Variants in EDARADD observed in about 807,000 individuals in gnomAD.
The protein encoded by EDARADD is ectodysplasin-A receptor-associated adapter protein.
Under a neutral mutation model 25.6 loss-of-function variants are expected in EDARADD, and 20 were observed. The ratio of observed to expected loss-of-function variants is 0.78; its 90% CI spans 0.55 to 1.14. The LOEUF is 1.14. Among genes scored for constraint, EDARADD ranks in the 50% most tolerant of loss-of-function variants. The pLI, the probability that EDARADD is intolerant of heterozygous loss-of-function variation, is 0.00. For synonymous variants in EDARADD, 86 were observed against 94.4 expected (o/e 0.91, Z 0.52); for missense variants, 225 against 270.1 (o/e 0.83, Z 1.17).
chr1:236,359,220 T>G (rs1667017684), intron 3 of EDARADD, among the ~76,000 whole-genome samples: 1 of 152,136 alleles, frequency 6.6e-6, no homozygotes, highest in African/African-American at 2.4e-5. Flanking sequence ...CTGCACACTG[T>G]CCTTTTTAAC....
intron 3 of EDARADD, among the ~76,000 whole-genome samples, chr1:236,418,818 T>C (rs934545335): frequency 2.0e-5 from 3 of 152,186 alleles, no homozygotes; most frequent in Non-Finnish European, 2.9e-5. Flanking sequence ...GAGTTGTCCC[T>C]GTTCCCACGG....
At chr1:236,397,517 T>C (rs1296893507) in intron 1 of EDARADD, among the ~76,000 whole-genome samples, 1 of 152,030 alleles carries the variant, frequency 6.6e-6, no homozygotes, top group East Asian at 1.9e-4. Context: ...ATGGGCAACA[T>C]GGAACAAAGG....
chr1:236,464,233 A>G (rs1282818381), intron 4 of EDARADD, among the ~76,000 whole-genome samples: 1 of 148,402 alleles, frequency 6.7e-6, no homozygotes, highest in Non-Finnish European at 1.5e-5. Flanking sequence ...CTCAGAGCCC[A>G]TCACCTTTCT....
intron 3 of EDARADD, among the ~76,000 whole-genome samples, chr1:236,351,469 C>G (rs1271469500): frequency 1.3e-5 from 2 of 152,080 alleles, no homozygotes; most frequent in African/African-American, 4.8e-5. Flanking sequence ...CCTATAATCC[C>G]AGCACTTTGG....
intron 4 of EDARADD, among the ~76,000 whole-genome samples, chr1:236,464,011 A>T (rs902014874): frequency 3.3e-5 from 5 of 152,144 alleles, no homozygotes; most frequent in Admixed American, 2.6e-4. Context: ...AGCAGAAGTG[A>T]TGTCTAAGCT....
intron 4 of EDARADD, among the ~76,000 whole-genome samples, chr1:236,449,071 C>T (rs867627964): frequency 1.3e-5 from 2 of 152,128 alleles, no homozygotes; most frequent in Non-Finnish European, 2.9e-5. Flanking sequence ...GTTCTATGCC[C>T]CTCTCTTAGC....
At chr1:236,445,108 G>A (rs1489375821) in intron 4 of EDARADD, among the ~76,000 whole-genome samples, 3 of 151,586 alleles carry the variant, frequency 2.0e-5, no homozygotes, top group Admixed American at 1.3e-4. Context: ...TTACTTTTTT[G>A]ATGACTGTTT....
intron 3 of EDARADD, among the ~76,000 whole-genome samples, chr1:236,418,535 G>A (rs1013414658): frequency 2.6e-5 from 4 of 152,162 alleles, no homozygotes; most frequent in Admixed American, 6.5e-5. Context: ...GTGAGCCACC[G>A]CACCCAGCCA....
chr1:236,482,149 T>C, intron 5 of EDARADD, 118 bp from the exon 6 acceptor site: 1 of 1,236,288 alleles, frequency 8.1e-7, no homozygotes, highest in Admixed American at 1.9e-5. Flanking sequence ...ACGAGCATTC[T>C]GAAATAGTCT....
chr1:236,472,236 A>C (rs891045096), intron 5 of EDARADD, among the ~76,000 whole-genome samples: 8 of 152,160 alleles, frequency 5.3e-5, no homozygotes, highest in African/African-American at 1.9e-4. Context: ...GTATCTCTCA[A>C]AGAGAAGTGG....
At chr1:236,478,432 TG>T (rs1315362634) in intron 5 of EDARADD, among the ~76,000 whole-genome samples, 1 of 149,780 alleles carries the variant, frequency 6.7e-6, no homozygotes, top group African/African-American at 2.5e-5. Context: ...TATATCTGGA[TG>T]GATATATAAA....
intron 4 of EDARADD, among the ~76,000 whole-genome samples, chr1:236,454,493 G>A (rs1658802865): frequency 6.6e-6 from 1 of 152,166 alleles, no homozygotes; most frequent in Non-Finnish European, 1.5e-5. Flanking sequence ...CCCATCTATT[G>A]TGCTTTATTT....
At chr1:236,369,564 A>G (rs656118) in intron 3 of EDARADD, among the ~76,000 whole-genome samples, 46,154 of 152,036 alleles carry the variant, frequency 0.3, 7,498 homozygotes, top group African/African-American at 0.42. Context: ...TACATCGGCC[A>G]GGTGCGGTGG....
At chr1:236,358,545 C>T (rs1667009365) in intron 3 of EDARADD, among the ~76,000 whole-genome samples, 1 of 152,192 alleles carries the variant, frequency 6.6e-6, no homozygotes, top group Non-Finnish European at 1.5e-5. Flanking sequence ...GCTTTAGCTG[C>T]ATCCCAGGGT....
At chr1:236,473,967 A>G (rs2103038260) in intron 5 of EDARADD, among the ~76,000 whole-genome samples, 1 of 152,202 alleles carries the variant, frequency 6.6e-6, no homozygotes, top group East Asian at 1.9e-4. Context: ...GAACATTGGC[A>G]TAAGACTTGG....
chr1:236,391,428 C>T (rs1050597080), upstream of EDARADD, among the ~76,000 whole-genome samples: 6 of 152,194 alleles, frequency 3.9e-5, no homozygotes, highest in African/African-American at 1.4e-4. Context: ...CTTGTTGGGG[C>T]ATCTTCCATC....
chr1:236,456,771 C>T (rs1283988317), intron 4 of EDARADD, among the ~76,000 whole-genome samples: 1 of 143,156 alleles, frequency 7.0e-6, no homozygotes, highest in Non-Finnish European at 1.5e-5. Flanking sequence ...GCTCCCAACT[C>T]ATCCCTGTAG....
chr1:236,367,459 C>T (rs1338708881), intron 3 of EDARADD, among the ~76,000 whole-genome samples: 2 of 151,968 alleles, frequency 1.3e-5, no homozygotes, highest in African/African-American at 4.8e-5. Context: ...AAACTCCTGA[C>T]CTCAGGTGAT....
At chr1:236,362,998 A>T (rs1478212948) in intron 3 of EDARADD, among the ~76,000 whole-genome samples, 1 of 58,130 alleles carries the variant, frequency 1.7e-5, no homozygotes, top group African/African-American at 7.3e-5. Context: ...AAAAAAAAAA[A>T]AAAAAAAAAT....
Sources: gnomAD v4.1 joint callset for allele counts (sites outside exome capture counted in the v4.1 genomes callset) on GRCh38, gnomAD v4.1.1 for gene constraint, MANE v1.5 for transcripts, NCBI Gene and HGNC (gene_info 2026-07-23, HGNC 2026-07-21) for gene names.